The following C19orf38 variants were observed in gnomAD, a reference collection of about 807,000 sequenced individuals.
C19orf38 encodes the protein chromosome 19 open reading frame 38.
A neutral mutation model predicts 26.6 loss-of-function variants in C19orf38; 14 were observed. That is an observed-to-expected ratio of 0.53 (90% CI 0.35 to 0.82). The LOEUF (loss-of-function observed/expected upper bound fraction) is 0.82. Among genes scored for constraint, C19orf38 ranks in the 40% least tolerant of loss-of-function variants. C19orf38 has a pLI of 0.01. For missense variants in C19orf38, 261 were observed against 299.5 expected, an observed-to-expected ratio of 0.87 and a Z score of 0.95; for synonymous variants, 132 against 128.5, an observed-to-expected ratio of 1.03 and a Z score of -0.18.
At chr19:10,854,951 C>T (rs1470858133) in intron 2 of C19orf38, among the ~76,000 whole-genome samples, 1 of 151,658 alleles carries the variant, frequency 6.6e-6, no homozygotes, top group Non-Finnish European at 1.5e-5. Context: ...GCCTTCTCAG[C>T]TCCTCTTCTG....
chr19:10,852,060 G>A (rs1157646853), intron 2 of C19orf38, among the ~76,000 whole-genome samples: 3 of 151,974 alleles, frequency 2.0e-5, no homozygotes, highest in African/African-American at 7.2e-5. Flanking sequence ...GCTGAGGCAG[G>A]AGGATCATTT....
In C19orf38 at chr19:10,839,874, G is replaced by A. The variant is rs575168934; in HGVS notation, c.-69+3104G>A. 7.2e-5 allele frequency among the ~76,000 whole-genome samples: 11 copies of A among 151,844 alleles called. No homozygotes were observed. In the East Asian group the frequency reaches 7.7e-4, roughly 11 times the overall value. ...CAAGTAGCTGGGACTACAGGTGCAC[G>A]CCACCACACCTGGCTAATTATTTTT... is the stretch of plus-strand genomic sequence containing the variant. On this transcript the variant is annotated intron_variant, in intron 1 of 7. Coordinates refer to the C19orf38 transcript ENST00000592854.
chr19:10,852,989 T>G (rs2073587744), intron 2 of C19orf38, among the ~76,000 whole-genome samples: 1 of 151,550 alleles, frequency 6.6e-6, no homozygotes, highest in Admixed American at 6.6e-5. Flanking sequence ...GGCAGGACGA[T>G]TCCTTGAGCC....
chr19:10,850,283 C>G lies in C19orf38; in HGVS notation c.56C>G (p.Ser19Cys). Residue 19 changes from serine (S) to cysteine (C), a missense_variant, in exon 2 of 7, where the codon TCC (serine) becomes TGC (cysteine). Coordinates refer to ENST00000397820, the MANE Select transcript of C19orf38 (RefSeq NM_001136482.3). ...AAGSLAIPAP[S>C]IRLVPPYPSS... ...GGCTCCTTGGCGATCCCAGCACCATCCATCCGGCTGGTGCCCCCGTACCCA... is the reference window on the plus strand; with the variant it reads ...GGCTCCTTGGCGATCCCAGCACCATGCATCCGGCTGGTGCCCCCGTACCCA... The G allele has an allele frequency of 1.3e-6, 2 of 1,550,642 alleles. No individual in the cohort carries two copies. The highest frequency in any genetic ancestry group is 2.4e-5 in the South Asian group (2 of 83,998).
chr19:10,858,251 A>C (rs2073651894), intron 3 of C19orf38, 65 bp from the exon 4 acceptor site: 7 of 1,246,114 alleles, frequency 5.6e-6, no homozygotes, highest in Non-Finnish European at 7.7e-6. Context: ...AAAAAAAAAA[A>C]ACAGAAATTG....
intron 6 of C19orf38, among the ~76,000 whole-genome samples, chr19:10,864,145 C>T (rs1479211475): frequency 5.3e-5 from 8 of 151,610 alleles, no homozygotes; most frequent in Non-Finnish European, 7.4e-5. Context: ...ACACAACTTC[C>T]GACTCCCGGG....
upstream of C19orf38, among the ~76,000 whole-genome samples, chr19:10,846,162 A>G (rs1021800759): frequency 6.6e-6 from 1 of 151,774 alleles, no homozygotes; most frequent in African/African-American, 2.4e-5. Context: ...AGCCTGAGCA[A>G]TAGAGCAAGA....
At chr19:10,859,141 T>TG (rs2073662317) in intron 4 of C19orf38, among the ~76,000 whole-genome samples, 1 of 149,264 alleles carries the variant, frequency 6.7e-6, no homozygotes, top group Admixed American at 6.7e-5. Flanking sequence ...TTCTCCATGT[T>TG]GGTCCGGGTG....
chr19:10,869,227 CCAG>C lies in C19orf38; in HGVS notation c.554_556del (p.Pro185_Glu186delinsGln). ...TCTTACATGGACAAAGAAAACGATG[CCAG>C]AAGAAGACCCGGCCACCTTGGATGA... On this transcript the variant is annotated inframe_deletion, in exon 7 of 7. Transcript: ENST00000397820. 4 of 1,551,608 alleles carry C rather than the reference CCAG, an allele frequency of 2.6e-6. No homozygotes were observed. The highest frequency in any genetic ancestry group is 3.5e-6 in the Non-Finnish European group (4 of 1,146,958).
chr19:10,848,371 TC>T, upstream of C19orf38: 2 of 915,766 alleles, frequency 2.2e-6, no homozygotes, highest in Non-Finnish European at 3.4e-6. Context: ...GTGTGCAACT[TC>T]CTGCCAGTGA....
At chr19:10,844,544 C>T (rs2073501829), upstream of C19orf38, among the ~76,000 whole-genome samples, 1 of 147,574 alleles carries the variant, frequency 6.8e-6, no homozygotes, top group Non-Finnish European at 1.5e-5. Context: ...GACCCTGTCT[C>T]TGTTTAAAAA....
intron 5 of C19orf38, among the ~76,000 whole-genome samples, chr19:10,862,327 C>T (rs890217265): frequency 1.3e-5 from 2 of 151,672 alleles, no homozygotes; most frequent in African/African-American, 4.8e-5. Flanking sequence ...CTCTCAGCCT[C>T]CTGAGTAGCT....
chr19:10,839,518 G>A (rs1184272458), intron 1 of C19orf38, among the ~76,000 whole-genome samples: 4 of 152,090 alleles, frequency 2.6e-5, no homozygotes, highest in Admixed American at 6.5e-5. Context: ...TTTGCCCCCC[G>A]CCTCTCAACT....
chr19:10,840,470 G>A (rs905750321), intron 1 of C19orf38, among the ~76,000 whole-genome samples: 1 of 152,158 alleles, frequency 6.6e-6, no homozygotes, highest in Non-Finnish European at 1.5e-5. Flanking sequence ...AACACACCCA[G>A]CTAATTTTTG....
rs958209460 is a variant in C19orf38, at chr19:10,837,503, CTTTTTTTT to C, written c.-69+747_-69+754del. Among the ~76,000 whole-genome samples the C allele has an allele frequency of 4.3e-5, 4 of 93,634 alleles. No individual in the cohort carries two copies. The Admixed American group carries it at 4.5e-4, about 11-fold the overall frequency. The allele number at this position is 93,634 out of a possible 152,430, so 61.4% of individuals were successfully genotyped here. ...TCTTTTTTTTTTTAATTTTTTTTTC[CTTTTTTTT>C]TTTTTTTTTTTTTGAGACAGAGTCT... On this transcript the variant is annotated intron_variant, in intron 1 of 7. Transcript: ENST00000592854.
Position 10,859,676 on chromosome 19 carries a change from G to A in C19orf38, c.462-239G>A, listed in dbSNP as rs550875571. On this transcript the variant is annotated intron_variant, in intron 4 of 6. Transcript: ENST00000397820. ...TGGGATTACAGGCGTGAGCCACTGC[G>A]CCTGGCCCAAGAGAATTTCCATGTT... 1.8e-4 allele frequency among the ~76,000 whole-genome samples: 28 copies of A among 152,038 alleles called. No individual in the cohort carries two copies. The East Asian group carries it at 2.1e-3, about 12-fold the overall frequency.
At chr19:10,842,461 C>T (rs985641817) in intron 1 of C19orf38, among the ~76,000 whole-genome samples, 1 of 152,034 alleles carries the variant, frequency 6.6e-6, no homozygotes, top group Non-Finnish European at 1.5e-5. Context: ...GGGTTTTCAC[C>T]GTGTTAGTCA....
intron 4 of C19orf38, 58 bp downstream of exon 4, chr19:10,858,401 T>C (rs1237352295): frequency 1.4e-6 from 2 of 1,479,698 alleles, no homozygotes; most frequent in African/African-American, 2.8e-5. Context: ...GACACTTCCC[T>C]GGCAGGGTGG....
rs147046216 is a variant in C19orf38 at position 10,867,693 on chromosome 19, C to T, written c.544-1525C>T. On this transcript the variant is annotated intron_variant, in intron 6 of 6. Coordinates refer to ENST00000397820, the MANE Select transcript of C19orf38 (RefSeq NM_001136482.3). ...TTTGAGACAGTGTCTCACTCTGTCG[C>T]CCAGACTGCAGTGCAGTGGTGTGAT... is the stretch of plus-strand genomic sequence containing the variant. 2.8e-3 allele frequency among the ~76,000 whole-genome samples: 379 copies of T among 136,808 alleles called. 1 individual carries two copies. The highest frequency in any genetic ancestry group is 0.01 in the African/African-American group (369 of 36,614). 89.8% of individuals were successfully genotyped at this position (136,808 alleles called of 152,430 possible). A position where few individuals can be genotyped will look rare whatever the true frequency, so the allele number is the denominator to read the frequency against.
Sources: allele counts gnomAD v4.1 joint callset (sites outside exome capture counted in the v4.1 genomes callset), GRCh38; gene constraint gnomAD v4.1.1; transcripts MANE v1.5; gene names NCBI Gene and HGNC (gene_info 2026-07-23, HGNC 2026-07-21).